Variants in PPP1CB observed in about 807,000 individuals in gnomAD.
PPP1CB encodes serine/threonine-protein phosphatase PP1-beta catalytic subunit.
A neutral mutation model predicts 43.7 loss-of-function variants in PPP1CB; 2 were observed. The ratio of observed to expected loss-of-function variants is 0.05; its 90% CI spans 0.02 to 0.14. The LOEUF (loss-of-function observed/expected upper bound fraction) is 0.14, where lower values mean the gene tolerates loss of function less well. PPP1CB is among the 10% of genes least tolerant of loss of function. PPP1CB has a pLI of 1.00. For synonymous variants in PPP1CB, 136 were observed against 135.6 expected (o/e 1.00, Z -0.02); for missense variants, 84 against 398.0 (o/e 0.21, Z 6.71).
intron 1 of PPP1CB, among the ~76,000 whole-genome samples, chr2:28,756,323 T>C (rs893650830): frequency 7.9e-5 from 12 of 152,378 alleles, no homozygotes; most frequent in African/African-American, 1.2e-4. Context: ...TACAGTTTTA[T>C]GAAAATCGTG....
At chr2:28,785,015 T>G (rs930888482) in intron 5 of PPP1CB, among the ~76,000 whole-genome samples, 1 of 148,368 alleles carries the variant, frequency 6.7e-6, no homozygotes, top group African/African-American at 2.5e-5. Context: ...GATCCTCTGA[T>G]GTCAGTAGCC....
At chr2:28,788,455 C>A (rs565753525) in intron 5 of PPP1CB, among the ~76,000 whole-genome samples, 1 of 140,520 alleles carries the variant, frequency 7.1e-6, no homozygotes, top group East Asian at 1.9e-4. Context: ...CCTTAAGAGG[C>A]CATGGAAGAT....
At chr2:28,772,617 A>G (rs1666938200) in intron 1 of PPP1CB, among the ~76,000 whole-genome samples, 1 of 152,238 alleles carries the variant, frequency 6.6e-6, no homozygotes, top group Admixed American at 6.5e-5. Context: ...AATAATCCAA[A>G]TAGAGTAGTA....
At chr2:28,797,798 A>G (rs1008091318) in intron 7 of PPP1CB, among the ~76,000 whole-genome samples, 64 of 152,248 alleles carry the variant, frequency 4.2e-4, no homozygotes, top group African/African-American at 1.4e-3. Context: ...ACATTTTTAA[A>G]AGAGGCCAGT....
Position 28,776,909 on chromosome 2 carries a change from A to G in PPP1CB, c.111A>G (p.Leu37=), listed in dbSNP as rs763921478. Residue 37 remains leucine (L), a synonymous_variant, in exon 2 of 8, where the codon TTA becomes TTG. Transcript: ENST00000395366. ...TGACTGAAGCAGAAGTTCGAGGCTT[A>G]TGTATCAAGTCTCGGGAGATCTTTC... ...VQMTEAEVRG[L]CIKSREIFLS... The G allele has an allele frequency of 1.2e-6, 2 of 1,613,690 alleles. No homozygotes were observed. The highest frequency in any genetic ancestry group is 2.2e-5 in the East Asian group (1 of 44,876).
At chr2:28,785,997 C>T (rs191691137) in intron 5 of PPP1CB, among the ~76,000 whole-genome samples, 32 of 152,088 alleles carry the variant, frequency 2.1e-4, no homozygotes, top group Non-Finnish European at 7.4e-5. Context: ...ATGCTGAAAA[C>T]AGTTATTTTG....
chr2:28,765,444 G>A (rs985760603), intron 1 of PPP1CB, among the ~76,000 whole-genome samples: 1 of 152,192 alleles, frequency 6.6e-6, no homozygotes, highest in African/African-American at 2.4e-5. Flanking sequence ...TCCAGTAGAG[G>A]GTTAGGTGGA....
chr2:28,755,644 G>T (rs1333194917), intron 1 of PPP1CB, among the ~76,000 whole-genome samples: 2 of 152,186 alleles, frequency 1.3e-5, no homozygotes, highest in East Asian at 1.9e-4. Flanking sequence ...TCAAAGAGGG[G>T]TGGGAAATGG....
chr2:28,760,945 G>C (rs1159169748), intron 1 of PPP1CB, among the ~76,000 whole-genome samples: 3 of 152,234 alleles, frequency 2.0e-5, no homozygotes, highest in African/African-American at 7.2e-5. Context: ...CTGTTGTCCA[G>C]GCTGGAGTGC....
At chr2:28,785,065 CTTTTTT>C (rs769650329) in intron 5 of PPP1CB, among the ~76,000 whole-genome samples, 44 of 54,980 alleles carry the variant, frequency 8.0e-4, no homozygotes, top group Middle Eastern at 0.016. Flanking sequence ...GTGTTAGGAG[CTTTTTT>C]TTTTTTTTTT....
chr2:28,776,884 T>C lies in PPP1CB; in HGVS notation c.86T>C (p.Met29Thr). ...RGCRPGKIVQ[M>T]TEAEVRGLCI... The stretch of plus-strand genomic sequence containing the variant: ...TGTCGTCCAGGAAAGATTGTGCAGA[T>C]GACTGAAGCAGAAGTTCGAGGCTTA... Residue 29 changes from methionine to threonine, a missense_variant, in exon 2 of 8, where the codon ATG (methionine) becomes ACG (threonine). Coordinates refer to ENST00000395366, the MANE Select transcript of PPP1CB (RefSeq NM_002709.3). 1 of 1,613,270 alleles carries C rather than the reference T, an allele frequency of 6.2e-7. No individual in the cohort carries two copies. Among genetic ancestry groups the C allele is most frequent in the Non-Finnish European group, 8.5e-7 (1 of 1,179,392 alleles).
At chr2:28,754,119 C>G (rs1234303192) in intron 1 of PPP1CB, among the ~76,000 whole-genome samples, 1 of 151,972 alleles carries the variant, frequency 6.6e-6, no homozygotes, top group Non-Finnish European at 1.5e-5. Flanking sequence ...TATTTTATTT[C>G]ATTTTCCATA....
At chr2:28,778,264 G>A (rs1667082077) in intron 2 of PPP1CB, 1 of 411,114 alleles carries the variant, frequency 2.4e-6, no homozygotes, top group African/African-American at 2.1e-5. Context: ...AATTGTTTTA[G>A]TTACCTATTG....
At chr2:28,783,845 G>T in intron 4 of PPP1CB, 62 bp from the exon 5 acceptor site, 1 of 1,092,286 alleles carries the variant, frequency 9.2e-7, no homozygotes, top group Non-Finnish European at 1.4e-6. Flanking sequence ...TTTTTATTCG[G>T]TGACTGTTAA....
intron 4 of PPP1CB, 120 bp from the exon 5 acceptor site, chr2:28,783,787 T>C: frequency 1.5e-6 from 1 of 686,476 alleles, no homozygotes. Context: ...AAAGGAACAC[T>C]TTTCAGTATC....
At chr2:28,777,783 G>C (rs958221548) in intron 2 of PPP1CB, among the ~76,000 whole-genome samples, 8 of 152,212 alleles carry the variant, frequency 5.3e-5, no homozygotes, top group South Asian at 2.1e-4. Flanking sequence ...CTCCTGAGTA[G>C]CTGGGATTAC....
At chr2:28,766,658 A>G (rs1666783105) in intron 1 of PPP1CB, among the ~76,000 whole-genome samples, 1 of 152,246 alleles carries the variant, frequency 6.6e-6, no homozygotes, top group South Asian at 2.1e-4. Flanking sequence ...TATTGGTAAT[A>G]CCTGTCATCG....
rs780026494 is a variant in PPP1CB at position 28,788,734 on chromosome 2, C to G, written c.669C>G (p.Ser223=). 1 of 1,613,810 alleles carries G rather than the reference C, an allele frequency of 6.2e-7. No individual in the cohort carries two copies. Among genetic ancestry groups the G allele is most frequent in the South Asian group, 1.1e-5 (1 of 91,030 alleles). ...QGWGENDRGV[S]FTFGADVVSK... ...GGGGAGAAAATGATCGTGGTGTTTC[C>G]TTTACTTTTGGAGCTGATGTAGTCA... Residue 223 remains serine, a synonymous_variant, in exon 6 of 8, where the codon TCC becomes TCG. Transcript: ENST00000395366.
At position 28,802,831 on chromosome 2, in the gene PPP1CB, A is replaced by G. The variant is rs1048182797; in HGVS notation, c.*3528A>G. 2 of 152,148 alleles carry G rather than the reference A, an allele frequency of 1.3e-5. No homozygotes were observed. Among genetic ancestry groups the G allele is most frequent in the African/African-American group, 2.4e-5 (1 of 41,422 alleles). 9.4% of individuals were successfully genotyped at this position (152,148 alleles called of 1,614,324 possible). On this transcript the variant is annotated 3_prime_UTR_variant, in exon 8 of 8. Coordinates refer to ENST00000395366, the MANE Select transcript of PPP1CB (RefSeq NM_002709.3). ...TCAAAGCTTGTTTTCTTCAACCACTACCTTCTACATTGGTTGACTTAGACC... is the reference window on the plus strand; with the variant it reads ...TCAAAGCTTGTTTTCTTCAACCACTGCCTTCTACATTGGTTGACTTAGACC...
Sources: gnomAD v4.1 joint callset for allele counts (sites outside exome capture counted in the v4.1 genomes callset) on GRCh38, gnomAD v4.1.1 for gene constraint, MANE v1.5 for transcripts, NCBI Gene and HGNC (gene_info 2026-07-23, HGNC 2026-07-21) for gene names.